The following PPHLN1 variants were observed in gnomAD, a reference collection of about 807,000 sequenced individuals.
PPHLN1 encodes the protein periphilin 1, also known as periphilin-1.
In PPHLN1, 29 loss-of-function variants were observed where a neutral mutation model predicts 51.3. The observed-to-expected ratio is 0.57, with a 90% CI of 0.42 to 0.77. The LOEUF (loss-of-function observed/expected upper bound fraction) is 0.77, where lower values mean the gene tolerates loss of function less well. PPHLN1 is among the 30% of genes least tolerant of loss of function. PPHLN1 has a pLI of 0.00. For missense variants in PPHLN1, 436 were observed against 438.4 expected, an observed-to-expected ratio of 0.99 and a Z score of 0.05; for synonymous variants, 147 against 147.8, an observed-to-expected ratio of 0.99 and a Z score of 0.04.
chr12:42,332,660 G>T, intron 1 of PPHLN1: 1 of 1,575,504 alleles, frequency 6.3e-7, no homozygotes, highest in Non-Finnish European at 8.7e-7. Flanking sequence ...CCCCTTACAG[G>T]AAATTGTTGA....
chr12:42,326,377 G>A (rs1367788151), intron 1 of PPHLN1, 148 bp downstream of exon 1: 2 of 152,248 alleles, frequency 1.3e-5, no homozygotes, highest in African/African-American at 2.4e-5. Context: ...GTTGAGGGTG[G>A]AGAGACGCAG....
chr12:42,392,087 G>A (rs774051698), intron 7 of PPHLN1, among the ~76,000 whole-genome samples: 2 of 152,100 alleles, frequency 1.3e-5, no homozygotes, highest in East Asian at 1.9e-4. Flanking sequence ...TATGGTGTGC[G>A]CATTTGTACT....
At chr12:42,332,682 T>A in intron 1 of PPHLN1, 1 of 1,575,934 alleles carries the variant, frequency 6.3e-7, no homozygotes, top group Non-Finnish European at 8.7e-7. Context: ...AACGTTAAAT[T>A]TGATTCCTAA....
At chr12:42,388,631 T>G (rs567134354) in intron 7 of PPHLN1, among the ~76,000 whole-genome samples, 3 of 152,286 alleles carry the variant, frequency 2.0e-5, no homozygotes. Flanking sequence ...ACTTTGTCTC[T>G]GTGTCTTATT....
At chr12:42,431,533 T>C in intron 9 of PPHLN1, 1 of 563,278 alleles carries the variant, frequency 1.8e-6, no homozygotes, top group Non-Finnish European at 3.2e-6. Context: ...ATCCCTCCCC[T>C]TTTTGAATTC....
chr12:42,333,454 T>C (rs1336204034), intron 1 of PPHLN1, among the ~76,000 whole-genome samples: 2 of 151,870 alleles, frequency 1.3e-5, no homozygotes, highest in Admixed American at 6.6e-5. Context: ...CCAATTATAC[T>C]TCCTTTTTTT....
chr12:42,447,180 A>G (rs1481784908), downstream of PPHLN1: 1 of 152,092 alleles, frequency 6.6e-6, no homozygotes, highest in Admixed American at 6.5e-5. Context: ...AAAAAACTCT[A>G]ATCAAAAGAG....
intron 9 of PPHLN1, among the ~76,000 whole-genome samples, chr12:42,400,757 G>GTCTC (rs35916281): frequency 1.4e-5 from 2 of 140,668 alleles, no homozygotes; most frequent in South Asian, 2.3e-4. Flanking sequence ...GCGAGACCCT[G>GTCTC]TCTCTCTCTC....
At chr12:42,375,867 C>T (rs2076225442) in intron 5 of PPHLN1, among the ~76,000 whole-genome samples, 1 of 152,180 alleles carries the variant, frequency 6.6e-6, no homozygotes, top group Non-Finnish European at 1.5e-5. Context: ...AGCTCGTTCA[C>T]ATAACAGTTC....
chr12:42,423,185 CAATT>C (rs937533572), intron 9 of PPHLN1, among the ~76,000 whole-genome samples: 2 of 152,016 alleles, frequency 1.3e-5, no homozygotes, highest in African/African-American at 2.4e-5. Context: ...ATTCATATAC[CAATT>C]ACTCTATGAA....
intron 6 of PPHLN1, among the ~76,000 whole-genome samples, chr12:42,386,681 C>T (rs1458171527): frequency 1.3e-5 from 2 of 152,120 alleles, no homozygotes; most frequent in Non-Finnish European, 2.9e-5. Context: ...CACATATAGA[C>T]AATTTAATGA....
intron 9 of PPHLN1, among the ~76,000 whole-genome samples, chr12:42,425,038 TTATGTATGTATGTATGTATGTATG>T (rs71435906): frequency 7.3e-6 from 1 of 136,866 alleles, no homozygotes; most frequent in Non-Finnish European, 1.6e-5. Flanking sequence ...TTATTTTATT[TTATGTATGTATGTATGTATGTATG>T]TATGTATGTA....
In PPHLN1 at chr12:42,398,697, G is replaced by A. The variant is rs1309597561; in HGVS notation, c.769-157G>A. On this transcript the variant is annotated intron_variant, in intron 8 of 9. Coordinates refer to ENST00000358314, the MANE Select transcript of PPHLN1 (RefSeq NM_201439.2). ...TTCTTCTTTAATCCATTTCACATAT[G>A]CTCATTATGCATAGTGAAATGGAGA... The A allele has an allele frequency of 5.6e-6, 3 of 535,128 alleles. No individual in the cohort carries two copies. In the African/African-American group the frequency reaches 5.7e-5, roughly 10 times the overall value. The allele number at this position is 535,128 out of a possible 1,614,324, so 33.1% of individuals were successfully genotyped here. A position where few individuals can be genotyped will look rare whatever the true frequency, so the allele number is the denominator to read the frequency against.
At chr12:42,436,209 T>G (rs1301909754) in intron 9 of PPHLN1, among the ~76,000 whole-genome samples, 1 of 152,222 alleles carries the variant, frequency 6.6e-6, no homozygotes. Context: ...TGTCTCTTGA[T>G]TCTTAATTTT....
At chr12:42,416,589 A>C (rs1286793697) in intron 9 of PPHLN1, among the ~76,000 whole-genome samples, 3 of 152,212 alleles carry the variant, frequency 2.0e-5, no homozygotes, top group African/African-American at 7.2e-5. Flanking sequence ...AACTCACGGA[A>C]TTCAGGAGAG....
intron 5 of PPHLN1, among the ~76,000 whole-genome samples, chr12:42,380,572 G>A (rs1214753195): frequency 6.6e-6 from 1 of 151,960 alleles, no homozygotes; most frequent in Non-Finnish European, 1.5e-5. Context: ...AAGAGCAGTT[G>A]GCTATGAATA....
In PPHLN1 at chr12:42,441,834, T is replaced by C; in HGVS notation, c.*325T>C. ...CGCTCCCTGCCCAACACATATACCA[T>C]CTGAAAATGTTAGAATTCTGAGTTG... On this transcript the variant is annotated 3_prime_UTR_variant, in exon 10 of 10. Transcript: ENST00000358314. 1.1e-5 allele frequency: 11 copies of C among 1,036,716 alleles called. No homozygotes were observed. The highest frequency in any genetic ancestry group is 1.3e-5 in the Non-Finnish European group (11 of 864,492). 64.2% of individuals were successfully genotyped at this position (1,036,716 alleles called of 1,614,324 possible). A position where few individuals can be genotyped will look rare whatever the true frequency, so the allele number is the denominator to read the frequency against.
At chr12:42,432,358 CT>C in intron 9 of PPHLN1, 1 of 740,908 alleles carries the variant, frequency 1.3e-6, no homozygotes. Flanking sequence ...GTTCTACTTC[CT>C]TTAGATAAGC....
chr12:42,361,788 C>A (rs1366228655), intron 4 of PPHLN1: 1 of 152,206 alleles, frequency 6.6e-6, no homozygotes, highest in Non-Finnish European at 1.5e-5. Flanking sequence ...CAGAAACCCA[C>A]ATTTGAATTG....
Sources: allele counts gnomAD v4.1 joint callset (sites outside exome capture counted in the v4.1 genomes callset), GRCh38; gene constraint gnomAD v4.1.1; transcripts MANE v1.5; gene names NCBI Gene and HGNC (gene_info 2026-07-23, HGNC 2026-07-21).